The following GPC6 variants were observed in gnomAD, a reference collection of about 807,000 sequenced individuals.
GPC6 encodes glypican 6.
Under a neutral mutation model 55.2 loss-of-function variants are expected in GPC6, and 14 were observed. That is an observed-to-expected ratio of 0.25 (90% CI 0.17 to 0.40). The LOEUF is 0.40. Ranked by LOEUF, GPC6 falls within the 10% of genes least tolerant of loss-of-function variation. The pLI is 1.00. For missense variants in GPC6, 641 were observed against 708.5 expected (o/e 0.90, Z 1.08); for synonymous variants, 278 against 259.6 (o/e 1.07, Z -0.68).
At chr13:93,887,125 T>C (rs1456230566) in intron 3 of GPC6, among the ~76,000 whole-genome samples, 1 of 152,088 alleles carries the variant, frequency 6.6e-6, no homozygotes, top group Non-Finnish European at 1.5e-5. Flanking sequence ...TTTTAAAATA[T>C]GATGAACACA....
intron 1 of GPC6, among the ~76,000 whole-genome samples, chr13:93,341,786 G>T (rs1880264053): frequency 6.7e-6 from 1 of 148,204 alleles, no homozygotes; most frequent in Non-Finnish European, 1.5e-5. Flanking sequence ...ATTTGTTTTT[G>T]GCGTCTTAGT....
chr13:94,215,898 TA>T (rs572441186), intron 4 of GPC6, among the ~76,000 whole-genome samples: 53 of 152,282 alleles, frequency 3.5e-4, no homozygotes, highest in African/African-American at 1.2e-3. Flanking sequence ...TAGTAAGATA[TA>T]AAATAACCAT....
intron 4 of GPC6, among the ~76,000 whole-genome samples, chr13:94,140,614 G>A (rs1887339310): frequency 6.6e-6 from 1 of 152,158 alleles, no homozygotes; most frequent in Admixed American, 6.5e-5. Context: ...GAATGATGGA[G>A]CAGAGCAGGG....
intron 1 of GPC6, among the ~76,000 whole-genome samples, chr13:93,366,849 T>C (rs373776777): frequency 6.6e-6 from 1 of 152,224 alleles, no homozygotes; most frequent in African/African-American, 2.4e-5. Context: ...TTATTTGTAA[T>C]AAAATCAGGT....
rs1415645585 is a variant in GPC6 at position 94,405,926 on chromosome 13, A to C, written c.*2709A>C. ...TTTTGGCCCTAAAGGATTTCACTTA[A>C]CCTAGTTACCCTATTTCAGTAAGTA... On this transcript the variant is annotated 3_prime_UTR_variant, in exon 9 of 9. Coordinates refer to ENST00000377047, the MANE Select transcript of GPC6 (RefSeq NM_005708.5). The C allele has an allele frequency of 6.6e-6, 1 of 152,168 alleles. No homozygotes were observed. The highest frequency in any genetic ancestry group is 3.2e-3 in the Middle Eastern group (1 of 316). 9.4% of individuals were successfully genotyped at this position (152,168 alleles called of 1,614,324 possible).
At chr13:93,810,235 G>A (rs1450638500) in intron 2 of GPC6, among the ~76,000 whole-genome samples, 1 of 152,176 alleles carries the variant, frequency 6.6e-6, no homozygotes, top group African/African-American at 2.4e-5. Flanking sequence ...GATTTGGAAA[G>A]CATTCAAGAT....
intron 2 of GPC6, among the ~76,000 whole-genome samples, chr13:93,546,043 T>C (rs767682204): frequency 2.0e-5 from 3 of 152,242 alleles, no homozygotes; most frequent in Non-Finnish European, 4.4e-5. Context: ...AATTTTCGCA[T>C]TAGAGCCTGA....
chr13:93,721,904 G>A (rs1883468303), intron 2 of GPC6, among the ~76,000 whole-genome samples: 1 of 151,532 alleles, frequency 6.6e-6, no homozygotes, highest in Non-Finnish European at 1.5e-5. Flanking sequence ...TGGAAAGGGT[G>A]AAAAAGAAAA....
intron 3 of GPC6, among the ~76,000 whole-genome samples, chr13:93,913,767 A>G (rs1372529946): frequency 1.3e-5 from 2 of 152,150 alleles, no homozygotes; most frequent in African/African-American, 2.4e-5. Flanking sequence ...ACCGCTGGTC[A>G]TTCAGATGAT....
chr13:94,302,726 G>A (rs1353233596), intron 5 of GPC6, among the ~76,000 whole-genome samples: 2 of 152,168 alleles, frequency 1.3e-5, no homozygotes, highest in East Asian at 3.9e-4. Context: ...TAATGGAGGG[G>A]TCCTTGCGCC....
At chr13:93,752,508 A>G (rs1192767995) in intron 2 of GPC6, among the ~76,000 whole-genome samples, 9 of 152,122 alleles carry the variant, frequency 5.9e-5, no homozygotes, top group East Asian at 3.8e-4. Flanking sequence ...GTTGCAATCT[A>G]TTACCACTGG....
chr13:94,394,626 T>C (rs932622369), intron 7 of GPC6, among the ~76,000 whole-genome samples: 12 of 152,160 alleles, frequency 7.9e-5, no homozygotes, highest in Non-Finnish European at 1.8e-4. Flanking sequence ...ACAGACCCTT[T>C]CCGGGGGTCG....
chr13:94,142,855 A>T (rs1887434572), intron 4 of GPC6, among the ~76,000 whole-genome samples: 1 of 150,500 alleles, frequency 6.6e-6, no homozygotes, highest in Non-Finnish European at 1.5e-5. Flanking sequence ...TTTGAGACTG[A>T]GGCTCTCTCT....
At chr13:94,165,261 C>CAT (rs1285497942) in intron 4 of GPC6, among the ~76,000 whole-genome samples, 26 of 143,622 alleles carry the variant, frequency 1.8e-4, no homozygotes, top group Admixed American at 2.8e-4. Flanking sequence ...TATATGTATA[C>CAT]ATATATATAT....
intron 1 of GPC6, among the ~76,000 whole-genome samples, chr13:93,508,606 C>T (rs544367457): frequency 6.6e-6 from 1 of 152,322 alleles, no homozygotes; most frequent in East Asian, 1.9e-4. Context: ...AAGGTTTACT[C>T]AGGCTACTGT....
At chr13:93,490,984 G>A (rs1423004097) in intron 1 of GPC6, among the ~76,000 whole-genome samples, 1 of 72,872 alleles carries the variant, frequency 1.4e-5, no homozygotes, top group Non-Finnish European at 2.7e-5. Flanking sequence ...AAACATATGT[G>A]TGCATGTGTC....
chr13:93,551,350 T>A (rs1200643306), intron 2 of GPC6, among the ~76,000 whole-genome samples: 1 of 152,136 alleles, frequency 6.6e-6, no homozygotes, highest in East Asian at 1.9e-4. Context: ...ACAAGAAGTG[T>A]TTATTTTTCC....
At chr13:94,028,168 G>A (rs1566307702) in intron 4 of GPC6, among the ~76,000 whole-genome samples, 1 of 152,042 alleles carries the variant, frequency 6.6e-6, no homozygotes, top group Non-Finnish European at 1.5e-5. Flanking sequence ...AGGAGACCGA[G>A]GTGAGAGGAT....
intron 2 of GPC6, among the ~76,000 whole-genome samples, chr13:93,708,074 A>G (rs1183581388): frequency 6.6e-6 from 1 of 151,878 alleles, no homozygotes; most frequent in East Asian, 1.9e-4. Context: ...AATAAACATC[A>G]AACAATAATG....
Sources: gnomAD v4.1 joint callset for allele counts (sites outside exome capture counted in the v4.1 genomes callset) on GRCh38, gnomAD v4.1.1 for gene constraint, MANE v1.5 for transcripts, NCBI Gene and HGNC (gene_info 2026-07-23, HGNC 2026-07-21) for gene names.